RRH: variants seen among roughly 807,000 people sequenced by gnomAD.
RRH encodes retinal pigment epithelium-derived rhodopsin homolog.
RRH carries 36 observed loss-of-function variants against 33.1 expected under a neutral mutation model. The ratio of observed to expected loss-of-function variants is 1.09; its 90% CI spans 0.83 to 1.44. The LOEUF is 1.44. Ranked by LOEUF, RRH falls within the 40% of genes most tolerant of loss-of-function variation. The pLI is 0.00. For missense variants in RRH, 393 were observed against 420.2 expected, an observed-to-expected ratio of 0.94 and a Z score of 0.57; for synonymous variants, 124 against 140.2, an observed-to-expected ratio of 0.88 and a Z score of 0.82.
chr4:109,839,485 G>T (rs1422919148), intron 5 of RRH, among the ~76,000 whole-genome samples: 2 of 152,020 alleles, frequency 1.3e-5, no homozygotes, highest in African/African-American at 4.8e-5. Flanking sequence ...TAAGTTCAGG[G>T]GTACATGTGC....
intron 5 of RRH, among the ~76,000 whole-genome samples, chr4:109,840,363 A>G (rs1284303398): frequency 1.3e-5 from 2 of 152,106 alleles, no homozygotes; most frequent in Admixed American, 6.5e-5. Flanking sequence ...GATGCTGGAT[A>G]TTAGACCTTT....
chr4:109,832,178 C>G (rs946706723), intron 1 of RRH, among the ~76,000 whole-genome samples: 8 of 146,316 alleles, frequency 5.5e-5, no homozygotes, highest in Non-Finnish European at 1.0e-4. Flanking sequence ...CCTCACACCC[C>G]TTTAGGATCT....
chr4:109,843,509 G>A (rs1409423237), intron 6 of RRH, among the ~76,000 whole-genome samples: 2 of 152,170 alleles, frequency 1.3e-5, no homozygotes, highest in African/African-American at 2.4e-5. Context: ...GCGTCCAGCC[G>A]AGGTCAGGTA....
At chr4:109,830,809 T>C (rs1733732639) in intron 1 of RRH, among the ~76,000 whole-genome samples, 1 of 151,926 alleles carries the variant, frequency 6.6e-6, no homozygotes, top group African/African-American at 2.4e-5. Flanking sequence ...TAATAAGACA[T>C]AGATGGAGAA....
chr4:109,834,248 T>C (rs1290526301), intron 2 of RRH, among the ~76,000 whole-genome samples: 1 of 152,124 alleles, frequency 6.6e-6, no homozygotes, highest in African/African-American at 2.4e-5. Flanking sequence ...TAATATTCCA[T>C]TTTGTGAACG....
chr4:109,828,196 C>G (rs1315419873), intron 1 of RRH, 63 bp downstream of exon 1: 3 of 1,092,692 alleles, frequency 2.7e-6, no homozygotes, highest in Non-Finnish European at 4.2e-6. Context: ...AAGTTTTCAG[C>G]ATAAGGCATG....
chr4:109,843,983 A>T (rs1734031363), intron 6 of RRH, 100 bp from the exon 7 acceptor site: 1 of 764,342 alleles, frequency 1.3e-6, no homozygotes, highest in African/African-American at 1.7e-5. Context: ...TTATCCAGAG[A>T]TGTAAATTGG....
intron 6 of RRH, among the ~76,000 whole-genome samples, chr4:109,843,425 C>T (rs943561497): frequency 3.9e-5 from 6 of 152,132 alleles, no homozygotes; most frequent in Admixed American, 6.5e-5. Flanking sequence ...TGGCCAGGCT[C>T]GTCTTGAACT....
intron 1 of RRH, among the ~76,000 whole-genome samples, chr4:109,829,603 C>T (rs999033105): frequency 4.6e-5 from 7 of 152,064 alleles, no homozygotes; most frequent in East Asian, 1.9e-4. Context: ...TGTTCTAAAA[C>T]CTTACACATA....
intron 6 of RRH, 126 bp downstream of exon 6, chr4:109,842,773 A>G (rs897987399): frequency 5.9e-6 from 5 of 843,138 alleles, no homozygotes; most frequent in Non-Finnish European, 9.8e-6. Context: ...GCCTCATGTG[A>G]CTGGAGCAGC....
At chr4:109,831,333 A>G (rs1021483579) in intron 1 of RRH, among the ~76,000 whole-genome samples, 1 of 152,190 alleles carries the variant, frequency 6.6e-6, no homozygotes, top group Non-Finnish European at 1.5e-5. Context: ...TTGTGTGCTA[A>G]TTATCTTGAA....
intron 2 of RRH, among the ~76,000 whole-genome samples, chr4:109,834,015 T>G (rs1733822863): frequency 6.6e-6 from 1 of 152,230 alleles, no homozygotes; most frequent in Non-Finnish European, 1.5e-5. Context: ...CAGATAATGA[T>G]GAAGGCCACC....
intron 6 of RRH, among the ~76,000 whole-genome samples, chr4:109,843,335 C>G (rs765251798): frequency 2.0e-5 from 3 of 152,120 alleles, no homozygotes; most frequent in African/African-American, 4.8e-5. Context: ...CTCAGCCTCC[C>G]GAGTAGCTGG....
chr4:109,829,057 C>T lies in RRH; in HGVS notation c.106+924C>T, dbSNP rs186324973. ...CTTAATTTTCAACTTTATACTCTAA[C>T]GAGTTGTAGAAGTAACTCTTATATT... is the stretch of plus-strand genomic sequence containing the variant. On this transcript the variant is annotated intron_variant, in intron 1 of 6. Transcript: ENST00000317735. 9.9e-4 allele frequency among the ~76,000 whole-genome samples: 151 copies of T among 152,152 alleles called. 2 individuals are homozygous for T. The highest frequency in any genetic ancestry group is 8.4e-3 in the Admixed American group (128 of 15,294).
At chr4:109,843,266 G>A (rs778757063) in intron 6 of RRH, among the ~76,000 whole-genome samples, 1 of 152,188 alleles carries the variant, frequency 6.6e-6, no homozygotes, top group Non-Finnish European at 1.5e-5. Context: ...AGGCTGGAGT[G>A]CAGTGGTGTG....
At chr4:109,837,678 G>T in intron 5 of RRH, 73 bp downstream of exon 5, 2 of 1,144,206 alleles carry the variant, frequency 1.7e-6, no homozygotes, top group Non-Finnish European at 2.6e-6. Context: ...GAGTCCCTGG[G>T]ACCACCGCAG....
At chr4:109,842,793 C>A in intron 6 of RRH, 146 bp downstream of exon 6, 1 of 723,554 alleles carries the variant, frequency 1.4e-6, no homozygotes, top group Non-Finnish European at 2.4e-6. Context: ...CATCTAGGAC[C>A]TTAAATGCTT....
chr4:109,838,787 T>C (rs181478208), intron 5 of RRH, among the ~76,000 whole-genome samples: 2 of 152,278 alleles, frequency 1.3e-5, no homozygotes, highest in East Asian at 3.9e-4. Flanking sequence ...TGGTGATCTG[T>C]GGGTTCTCTC....
chr4:109,841,796 T>G (rs6533468), intron 5 of RRH, among the ~76,000 whole-genome samples: 147,456 of 152,164 alleles, frequency 0.97, 71,604 homozygotes, highest in East Asian at 1. Flanking sequence ...GTCCTTATGG[T>G]TTTATGTCTT....
Sources: gnomAD v4.1 joint callset for allele counts (sites outside exome capture counted in the v4.1 genomes callset) on GRCh38, gnomAD v4.1.1 for gene constraint, MANE v1.5 for transcripts, NCBI Gene and HGNC (gene_info 2026-07-23, HGNC 2026-07-21) for gene names.